NT5DC1: variants seen among roughly 807,000 people sequenced by gnomAD.
NT5DC1 encodes the protein 5'-nucleotidase domain-containing protein 1.
A neutral mutation model predicts 59.4 loss-of-function variants in NT5DC1; 42 were observed. The ratio of observed to expected loss-of-function variants is 0.71; its 90% CI spans 0.55 to 0.92. The LOEUF is 0.92. Among genes scored for constraint, NT5DC1 ranks in the 40% least tolerant of loss-of-function variants. NT5DC1 has a pLI of 0.00. For missense variants in NT5DC1, 501 were observed against 537.1 expected (o/e 0.93, Z 0.66); for synonymous variants, 172 against 188.1 (o/e 0.91, Z 0.70).
intron 6 of NT5DC1, among the ~76,000 whole-genome samples, chr6:116,164,837 G>A (rs973151228): frequency 6.6e-6 from 1 of 151,892 alleles, no homozygotes; most frequent in Non-Finnish European, 1.5e-5. Flanking sequence ...AAAGATACAC[G>A]CTTTGGGAGG....
chr6:116,209,775 C>T (rs892828579), intron 6 of NT5DC1, among the ~76,000 whole-genome samples: 1 of 151,770 alleles, frequency 6.6e-6, no homozygotes, highest in Non-Finnish European at 1.5e-5. Flanking sequence ...AGAACTTCTG[C>T]AGAAATCCTG....
intron 6 of NT5DC1, among the ~76,000 whole-genome samples, chr6:116,215,826 C>A (rs1016778681): frequency 6.6e-6 from 1 of 152,046 alleles, no homozygotes; most frequent in Non-Finnish European, 1.5e-5. Context: ...GTAATACTGT[C>A]CAAGGACATT....
chr6:116,173,163 A>G (rs1229176685), intron 6 of NT5DC1, among the ~76,000 whole-genome samples: 2 of 152,204 alleles, frequency 1.3e-5, no homozygotes, highest in African/African-American at 4.8e-5. Context: ...AAAACATTGT[A>G]TGTGTCTAAA....
At chr6:116,119,765 TTTGTTGTTTG>T in intron 6 of NT5DC1, 1 of 250,764 alleles carries the variant, frequency 4.0e-6, no homozygotes, top group Non-Finnish European at 7.6e-6. Flanking sequence ...TAATTTTTTT[TTTGTTGTTTG>T]TTTTTTGTTG....
intron 6 of NT5DC1, among the ~76,000 whole-genome samples, chr6:116,157,191 A>G (rs1780217386): frequency 6.6e-6 from 1 of 152,050 alleles, no homozygotes; most frequent in African/African-American, 2.4e-5. Context: ...TTTTCCCTCT[A>G]CCTCATGTTT....
At chr6:116,204,406 G>A (rs994814898) in intron 6 of NT5DC1, among the ~76,000 whole-genome samples, 3 of 151,924 alleles carry the variant, frequency 2.0e-5, no homozygotes, top group African/African-American at 7.2e-5. Context: ...GAAATGCAAG[G>A]TAAAACAATG....
chr6:116,172,542 G>A (rs898750501), intron 6 of NT5DC1, among the ~76,000 whole-genome samples: 1 of 151,818 alleles, frequency 6.6e-6, no homozygotes, highest in African/African-American at 2.4e-5. Context: ...GGATGGTCTC[G>A]ATCTCCTGAC....
At chr6:116,143,486 A>G (rs576917351) in intron 6 of NT5DC1, among the ~76,000 whole-genome samples, 2 of 152,290 alleles carry the variant, frequency 1.3e-5, no homozygotes, top group East Asian at 3.9e-4. Context: ...TGCTGGGATT[A>G]CAGGCTTGAG....
At chr6:116,155,389 A>G (rs974549600) in intron 6 of NT5DC1, among the ~76,000 whole-genome samples, 2 of 152,172 alleles carry the variant, frequency 1.3e-5, no homozygotes, top group African/African-American at 4.8e-5. Context: ...TCACTCGCCA[A>G]CACAAACATC....
At chr6:116,182,019 C>T (rs1033992559) in intron 6 of NT5DC1, among the ~76,000 whole-genome samples, 7 of 152,096 alleles carry the variant, frequency 4.6e-5, no homozygotes, top group South Asian at 2.1e-4. Context: ...ATCCCTCACC[C>T]GCTCCCACCC....
At chr6:116,195,889 G>A (rs1781216221) in intron 6 of NT5DC1, among the ~76,000 whole-genome samples, 2 of 152,022 alleles carry the variant, frequency 1.3e-5, no homozygotes, top group African/African-American at 2.4e-5. Context: ...GCTATTTTAA[G>A]CCACAAGTTG....
At chr6:116,107,783 A>G (rs1179349857) in intron 2 of NT5DC1, among the ~76,000 whole-genome samples, 3 of 152,052 alleles carry the variant, frequency 2.0e-5, no homozygotes, top group Non-Finnish European at 2.9e-5. Flanking sequence ...CGTGTTAGCC[A>G]GGATGGTCTC....
chr6:116,110,738 T>C (rs1296358912), intron 3 of NT5DC1, 112 bp from the exon 4 acceptor site: 1 of 826,454 alleles, frequency 1.2e-6, no homozygotes, highest in Non-Finnish European at 2.1e-6. Flanking sequence ...ACAGAAAAAA[T>C]ACATATGTTT....
intron 1 of NT5DC1, among the ~76,000 whole-genome samples, chr6:116,103,173 G>A (rs767134716): frequency 2.0e-5 from 3 of 152,144 alleles, no homozygotes; most frequent in Non-Finnish European, 4.4e-5. Context: ...CGAGCTTAGT[G>A]CTGGGCACAT....
intron 11 of NT5DC1, among the ~76,000 whole-genome samples, chr6:116,241,944 C>CAAAAAAAAAAAAAA (rs1173659223): frequency 2.9e-5 from 1 of 34,416 alleles, no homozygotes; most frequent in Non-Finnish European, 4.4e-5. Context: ...AAAAACAAAA[C>CAAAAAAAAAAAAAA]AAAAAAAAAA....
chr6:116,230,336 G>A (rs1246498836), intron 8 of NT5DC1, among the ~76,000 whole-genome samples: 1 of 152,098 alleles, frequency 6.6e-6, no homozygotes, highest in Non-Finnish European at 1.5e-5. Flanking sequence ...GTACAGTCTT[G>A]TTCCTAAATT....
intron 1 of NT5DC1, among the ~76,000 whole-genome samples, chr6:116,102,187 C>T (rs1433780907): frequency 1.3e-5 from 2 of 152,210 alleles, no homozygotes; most frequent in Non-Finnish European, 2.9e-5. Context: ...CTGGTGCAGA[C>T]ATCAGCCAGG....
intron 11 of NT5DC1, among the ~76,000 whole-genome samples, chr6:116,241,944 CAA>C (rs1173659223): frequency 5.8e-5 from 2 of 34,414 alleles, no homozygotes; most frequent in Non-Finnish European, 8.9e-5. Flanking sequence ...AAAAACAAAA[CAA>C]AAAAAAAAAA....
At chr6:116,200,540 A>G (rs1323997040) in intron 6 of NT5DC1, among the ~76,000 whole-genome samples, 1 of 152,042 alleles carries the variant, frequency 6.6e-6, no homozygotes, top group Non-Finnish European at 1.5e-5. Flanking sequence ...ATCTAAAACT[A>G]CTAAAATTAA....
Sources: gnomAD v4.1 joint callset for allele counts (sites outside exome capture counted in the v4.1 genomes callset) on GRCh38, gnomAD v4.1.1 for gene constraint, MANE v1.5 for transcripts, NCBI Gene and HGNC (gene_info 2026-07-23, HGNC 2026-07-21) for gene names.